CCDC171: variants seen among roughly 807,000 people sequenced by gnomAD.
CCDC171 encodes coiled-coil domain containing 171, also known as coiled-coil domain-containing protein 171.
CCDC171 carries 177 observed loss-of-function variants against 168.2 expected under a neutral mutation model. That is an observed-to-expected ratio of 1.05 (90% CI 0.93 to 1.19). The LOEUF is 1.19. Among genes scored for constraint, CCDC171 ranks in the 50% most tolerant of loss-of-function variants. CCDC171 has a pLI of 0.00. For missense variants in CCDC171, 1,991 were observed against 1,539.0 expected (o/e 1.29, Z -4.91); for synonymous variants, 687 against 540.8 (o/e 1.27, Z -3.75).
At chr9:15,735,483 T>C (rs1361005765) in intron 16 of CCDC171, among the ~76,000 whole-genome samples, 1 of 152,222 alleles carries the variant, frequency 6.6e-6, no homozygotes, top group East Asian at 1.9e-4. Flanking sequence ...ATGTAATGTT[T>C]ATTGTAAACA....
intron 25 of CCDC171, among the ~76,000 whole-genome samples, chr9:15,936,575 G>C (rs1295361220): frequency 6.6e-6 from 1 of 151,816 alleles, no homozygotes; most frequent in East Asian, 2.0e-4. Context: ...TGAACACTTG[G>C]GCCTGCTGCA....
intron 2 of CCDC171, among the ~76,000 whole-genome samples, chr9:15,568,043 T>C (rs1010438418): frequency 6.7e-6 from 1 of 148,884 alleles, no homozygotes; most frequent in Non-Finnish European, 1.5e-5. Context: ...TGTTCATTAC[T>C]AGGATATAGA....
At chr9:16,051,521 C>T (rs1833749728) in intron 1 of CCDC171, among the ~76,000 whole-genome samples, 2 of 152,176 alleles carry the variant, frequency 1.3e-5, no homozygotes, top group Non-Finnish European at 2.9e-5. Context: ...CCGTTGTGGC[C>T]CAAACACTCC....
intron 25 of CCDC171, among the ~76,000 whole-genome samples, chr9:15,955,428 A>G (rs1458293180): frequency 1.3e-5 from 2 of 152,110 alleles, no homozygotes; most frequent in Admixed American, 6.6e-5. Flanking sequence ...AGAAGCGACA[A>G]TCAGAGCACA....
At position 15,568,095 on chromosome 9, in the gene CCDC171, C is replaced by T. The variant is rs2039894210; in HGVS notation, c.42-3529C>T. 2.0e-5 allele frequency among the ~76,000 whole-genome samples: 3 copies of T among 151,996 alleles called. No homozygotes were observed. In the South Asian group the frequency reaches 6.2e-4, roughly 32 times the overall value. On this transcript the variant is annotated intron_variant, in intron 2 of 25. Transcript: ENST00000380701. ...GTTTATTGATCTTGTATTCTGTGAC[C>T]TTGCTGAAATTGATTTTAGTTCTAG...
intron 9 of CCDC171, 85 bp downstream of exon 9, chr9:15,666,408 T>C (rs2048738101): frequency 1.1e-6 from 1 of 900,822 alleles, no homozygotes; most frequent in African/African-American, 1.7e-5. Context: ...CTATGTATTT[T>C]AGATATAGCT....
intron 19 of CCDC171, 104 bp from the exon 20 acceptor site, chr9:15,778,864 G>C: frequency 1.2e-6 from 1 of 800,612 alleles, no homozygotes; most frequent in Non-Finnish European, 1.8e-6. Context: ...AGCTAGCACT[G>C]GTTTTTGGAT....
chr9:15,980,766 T>C, intron 3 of CCDC171, among the ~76,000 whole-genome samples: 1 of 151,940 alleles, frequency 6.6e-6, no homozygotes, highest in Non-Finnish European at 1.5e-5. Context: ...AATAACTATT[T>C]CAAAGCACCT....
At chr9:15,833,396 C>CCA in intron 21 of CCDC171, among the ~76,000 whole-genome samples, 1 of 152,012 alleles carries the variant, frequency 6.6e-6, no homozygotes, top group South Asian at 2.1e-4. Flanking sequence ...CTGAAGTGTT[C>CCA]AAATATATGT....
intron 4 of CCDC171, among the ~76,000 whole-genome samples, chr9:15,581,320 A>T (rs375496693): frequency 7.5e-4 from 115 of 152,354 alleles, no homozygotes; most frequent in African/African-American, 2.5e-3. Context: ...GCTCATGGAT[A>T]GGAAGAATCA....
intron 4 of CCDC171, among the ~76,000 whole-genome samples, chr9:15,589,051 G>T (rs138401480): frequency 1.3e-5 from 2 of 151,832 alleles, no homozygotes; most frequent in Admixed American, 6.6e-5. Flanking sequence ...CACAGAAAAC[G>T]TCGTTGTTTT....
Position 15,779,057 on chromosome 9 carries a change from G to T in CCDC171, c.2988G>T (p.Glu996Asp). 1 of 1,605,720 alleles carries T rather than the reference G, an allele frequency of 6.2e-7. No individual in the cohort carries two copies. Among genetic ancestry groups the T allele is most frequent in the Non-Finnish European group, 8.5e-7 (1 of 1,176,466 alleles). ...AEVERRSLRL[E>D]VTEFKRSVNE... ...TGGAGCGCCGCTCACTACGCTTAGA[G>T]GTCACAGAATTCAAACGAAGTGTGA... Residue 996 changes from glutamate to aspartate, a missense_variant, in exon 20 of 26, where the codon GAG becomes GAT. Physicochemically the swap from Glu to Asp is conservative, Grantham distance 45. Transcript: ENST00000380701.
At chr9:15,604,552 G>A (rs1360586549) in intron 6 of CCDC171, among the ~76,000 whole-genome samples, 1 of 152,086 alleles carries the variant, frequency 6.6e-6, no homozygotes, top group Non-Finnish European at 1.5e-5. Context: ...ACTAAATTTG[G>A]TGTATGTGTC....
intron 18 of CCDC171, among the ~76,000 whole-genome samples, chr9:15,747,612 G>A (rs985184075): frequency 6.6e-6 from 1 of 152,224 alleles, no homozygotes; most frequent in African/African-American, 2.4e-5. Flanking sequence ...GGCACACAGG[G>A]TCTGGACTGG....
chr9:15,729,149 A>G (rs1588169063), intron 15 of CCDC171, among the ~76,000 whole-genome samples: 2 of 152,306 alleles, frequency 1.3e-5, no homozygotes, highest in Non-Finnish European at 2.9e-5. Context: ...TAATAGTCAT[A>G]CATTTTAGAA....
intron 18 of CCDC171, among the ~76,000 whole-genome samples, chr9:15,748,794 G>A (rs1357673379): frequency 6.6e-6 from 1 of 152,114 alleles, no homozygotes; most frequent in African/African-American, 2.4e-5. Context: ...GTCACCACCA[G>A]GCCTGCCTTA....
chr9:15,764,770 C>A (rs1178621017), intron 18 of CCDC171, among the ~76,000 whole-genome samples: 1 of 152,126 alleles, frequency 6.6e-6, no homozygotes, highest in Non-Finnish European at 1.5e-5. Context: ...TGGATGAAGT[C>A]ATGTAGGGTA....
chr9:15,604,290 A>G (rs1291522905), intron 6 of CCDC171, among the ~76,000 whole-genome samples: 3 of 152,028 alleles, frequency 2.0e-5, no homozygotes, highest in Non-Finnish European at 2.9e-5. Flanking sequence ...TTCTGTTGCA[A>G]TTGCTTATGG....
intron 24 of CCDC171, among the ~76,000 whole-genome samples, chr9:15,881,540 T>G (rs1818645061): frequency 6.6e-6 from 1 of 152,212 alleles, no homozygotes; most frequent in African/African-American, 2.4e-5. Context: ...TAAACTGTAG[T>G]TACCCTACTG....
Sources: gnomAD v4.1 joint callset for allele counts (sites outside exome capture counted in the v4.1 genomes callset) on GRCh38, gnomAD v4.1.1 for gene constraint, MANE v1.5 for transcripts, NCBI Gene and HGNC (gene_info 2026-07-23, HGNC 2026-07-21) for gene names.